Variants in DNAJC6 observed in about 807,000 individuals in gnomAD.
DNAJC6 encodes the protein auxilin.
Under a neutral mutation model 110.0 loss-of-function variants are expected in DNAJC6, and 34 were observed. The ratio of observed to expected loss-of-function variants is 0.31; its 90% CI spans 0.24 to 0.41. The LOEUF (loss-of-function observed/expected upper bound fraction) is 0.41, where lower values mean the gene tolerates loss of function less well. Among genes scored for constraint, DNAJC6 ranks in the 10% least tolerant of loss-of-function variants. DNAJC6 has a pLI of 1.00. For synonymous variants in DNAJC6, 406 were observed against 437.2 expected (o/e 0.93, Z 0.89); for missense variants, 1,031 against 1,207.8 (o/e 0.85, Z 2.17).
chr1:65,355,789 C>G (rs1645537065), intron 1 of DNAJC6, among the ~76,000 whole-genome samples: 1 of 150,992 alleles, frequency 6.6e-6, no homozygotes, highest in Admixed American at 6.6e-5. Context: ...TGGGCCATAG[C>G]TTGGATACAC....
At chr1:65,269,354 T>G (rs1239707697) in intron 1 of DNAJC6, among the ~76,000 whole-genome samples, 2 of 149,438 alleles carry the variant, frequency 1.3e-5, no homozygotes, top group African/African-American at 5.0e-5. Flanking sequence ...GGTGACAGAG[T>G]GAGACCCTGT....
chr1:65,398,308 G>A (rs900978248), intron 13 of DNAJC6, among the ~76,000 whole-genome samples: 1 of 152,188 alleles, frequency 6.6e-6, no homozygotes, highest in Non-Finnish European at 1.5e-5. Flanking sequence ...CTCAACTCAT[G>A]TCACAGCAGA....
chr1:65,303,512 A>G (rs1645008895), intron 1 of DNAJC6, among the ~76,000 whole-genome samples: 1 of 151,830 alleles, frequency 6.6e-6, no homozygotes, highest in Non-Finnish European at 1.5e-5. Context: ...TGCAGTATTT[A>G]GGGCTTTAGT....
At chr1:65,351,514 CAGG>C (rs1377518933) in intron 1 of DNAJC6, among the ~76,000 whole-genome samples, 1 of 152,128 alleles carries the variant, frequency 6.6e-6, no homozygotes, top group African/African-American at 2.4e-5. Context: ...CTCTACTCTC[CAGG>C]AGGTCTAGGT....
upstream of DNAJC6, chr1:65,309,506 C>G: frequency 8.7e-7 from 1 of 1,146,736 alleles, no homozygotes; most frequent in Non-Finnish European, 1.1e-6. Context: ...CCCGCCCGGC[C>G]GCGTCTCCTT....
intron 1 of DNAJC6, among the ~76,000 whole-genome samples, chr1:65,303,884 T>A (rs1645013508): frequency 6.6e-6 from 1 of 152,150 alleles, no homozygotes; most frequent in South Asian, 2.1e-4. Context: ...TGACCACACT[T>A]AGTAAGGCAG....
At chr1:65,294,886 G>GA (rs935067604) in intron 1 of DNAJC6, among the ~76,000 whole-genome samples, 1 of 152,050 alleles carries the variant, frequency 6.6e-6, no homozygotes, top group Non-Finnish European at 1.5e-5. Context: ...GTTATAGCCA[G>GA]AAAAAAAGTA....
chr1:65,396,425 G>A (rs534369768), intron 13 of DNAJC6, among the ~76,000 whole-genome samples: 14 of 152,204 alleles, frequency 9.2e-5, no homozygotes, highest in African/African-American at 3.1e-4. Flanking sequence ...CTCAGTGCCC[G>A]TGACCTCATT....
At chr1:65,395,709 A>G (rs1645969923) in intron 13 of DNAJC6, among the ~76,000 whole-genome samples, 1 of 152,210 alleles carries the variant, frequency 6.6e-6, no homozygotes, top group Admixed American at 6.5e-5. Flanking sequence ...TAATTTCAAT[A>G]GTGTCTTTTT....
At chr1:65,412,324 C>T (rs1433812438) in intron 18 of DNAJC6, among the ~76,000 whole-genome samples, 5 of 152,322 alleles carry the variant, frequency 3.3e-5, no homozygotes, top group South Asian at 2.1e-4. Flanking sequence ...AGTGAGTCAT[C>T]TTGCTGTCAC....
intron 12 of DNAJC6, 99 bp downstream of exon 12, chr1:65,392,964 G>A: frequency 8.6e-7 from 1 of 1,161,554 alleles, no homozygotes; most frequent in Non-Finnish European, 1.1e-6. Flanking sequence ...AGACTTTTCT[G>A]ATTTCACTGT....
At chr1:65,339,724 A>C (rs1464298927) in intron 1 of DNAJC6, among the ~76,000 whole-genome samples, 1 of 152,178 alleles carries the variant, frequency 6.6e-6, no homozygotes, top group Admixed American at 6.5e-5. Flanking sequence ...GTGGTCAGTC[A>C]ACAGGCAGTC....
intron 1 of DNAJC6, among the ~76,000 whole-genome samples, chr1:65,269,780 G>A (rs556104314): frequency 6.6e-6 from 1 of 152,172 alleles, no homozygotes; most frequent in South Asian, 2.1e-4. Flanking sequence ...CAATGGGTCT[G>A]GTATTGCTTT....
chr1:65,298,880 C>G (rs1644951843), intron 1 of DNAJC6: 1 of 152,176 alleles, frequency 6.6e-6, no homozygotes, highest in Non-Finnish European at 1.5e-5. Context: ...GAGCTGCAAC[C>G]CCAGGGTTAT....
intron 1 of DNAJC6, among the ~76,000 whole-genome samples, chr1:65,357,271 G>T (rs1645552591): frequency 6.6e-6 from 1 of 152,200 alleles, no homozygotes. Flanking sequence ...AATATGACAT[G>T]ATTCTAATGC....
At chr1:65,388,561 A>G in intron 9 of DNAJC6, 146 bp downstream of exon 9, 1 of 700,822 alleles carries the variant, frequency 1.4e-6, no homozygotes, top group Non-Finnish European at 2.5e-6. Flanking sequence ...GGCTGTGGGC[A>G]TTCTAAAGCT....
In DNAJC6 at chr1:65,392,502, G is replaced by C. The variant is rs1645937591; in HGVS notation, c.1540G>C (p.Asp514His). The C allele has an allele frequency of 6.2e-6, 10 of 1,614,016 alleles. No individual in the cohort carries two copies. Among genetic ancestry groups the C allele is most frequent in the Non-Finnish European group, 8.5e-6 (10 of 1,179,958 alleles). ...AGTGAATCAGGAAAGTGAGCAATCA[G>C]ATGATGAACTTCTGACACTTTCCAG... ...ALVNQESEQS[D>H]DELLTLSSPH... The change falls in exon 12 of 19, where the codon GAT becomes CAT. Residue 514 changes from aspartate to histidine, a missense_variant. By Grantham distance (81) the Asp-to-His change is moderately conservative (BLOSUM62 -1). Transcript: ENST00000371069.
intron 1 of DNAJC6, among the ~76,000 whole-genome samples, chr1:65,303,786 G>T (rs1172266881): frequency 6.6e-6 from 1 of 152,034 alleles, no homozygotes; most frequent in African/African-American, 2.4e-5. Flanking sequence ...TGTTGGCCAG[G>T]CTGGTCTCGA....
intron 15 of DNAJC6, 41 bp from the exon 16 acceptor site, chr1:65,405,829 C>T (rs751924193): frequency 6.5e-7 from 1 of 1,548,560 alleles, no homozygotes; most frequent in Non-Finnish European, 8.7e-7. Flanking sequence ...TTAGAGGCCA[C>T]TCAAAATAGT....
Sources: gnomAD v4.1 joint callset for allele counts (sites outside exome capture counted in the v4.1 genomes callset) on GRCh38, gnomAD v4.1.1 for gene constraint, MANE v1.5 for transcripts, NCBI Gene and HGNC (gene_info 2026-07-23, HGNC 2026-07-21) for gene names.